Variants in TBC1D2B observed in about 807,000 individuals in gnomAD.
TBC1D2B encodes the protein TBC1 domain family member 2B, also known as TBC1 domain family, member 2B.
TBC1D2B carries 64 observed loss-of-function variants against 100.8 expected under a neutral mutation model. The observed-to-expected ratio is 0.64, with a 90% CI of 0.52 to 0.78. The LOEUF (loss-of-function observed/expected upper bound fraction) is 0.78, where lower values mean the gene tolerates loss of function less well. Among genes scored for constraint, TBC1D2B ranks in the 30% least tolerant of loss-of-function variants. TBC1D2B has a pLI of 0.00. For missense variants in TBC1D2B, 1,052 were observed against 1,218.4 expected (o/e 0.86, Z 2.03); for synonymous variants, 480 against 479.7 (o/e 1.00, Z -0.01).
chr15:78,044,657 T>C (rs1567027622), intron 3 of TBC1D2B, among the ~76,000 whole-genome samples: 1 of 152,232 alleles, frequency 6.6e-6, no homozygotes, highest in Non-Finnish European at 1.5e-5. Context: ...CCATATGACC[T>C]ACTTCACAGA....
chr15:78,009,215 C>A, intron 9 of TBC1D2B, 101 bp from the exon 10 acceptor site: 2 of 754,022 alleles, frequency 2.7e-6, no homozygotes, highest in Non-Finnish European at 2.2e-6. Context: ...TCTCTCATGG[C>A]CAAAATTATT....
At position 78,034,446 on chromosome 15, in the gene TBC1D2B, G is replaced by A. The variant is rs570729103; in HGVS notation, c.684-4276C>T. The A allele has an allele frequency of 2.2e-4, 211 of 970,856 alleles. 3 individuals carry two copies. In the South Asian group the frequency reaches 2.9e-3, roughly 13 times the overall value. 60.1% of individuals were successfully genotyped at this position (970,856 alleles called of 1,614,324 possible). On this transcript the variant is annotated intron_variant, in intron 3 of 12. Transcript: ENST00000300584. Reference sequence around the variant, plus strand: ...CAGGTGGCATGTGACTACCACCACCGTCAATTTTAGGAGTTAAATTCTCCT... The same window carrying A: ...CAGGTGGCATGTGACTACCACCACCATCAATTTTAGGAGTTAAATTCTCCT...
chr15:78,045,133 TA>T (rs2073170134), intron 2 of TBC1D2B, 65 bp from the exon 3 acceptor site: 1 of 1,434,086 alleles, frequency 7.0e-7, no homozygotes, highest in South Asian at 1.3e-5. Flanking sequence ...ACATCCCACA[TA>T]AAACACTGAC....
At chr15:78,038,333 G>A (rs965068323) in intron 3 of TBC1D2B, among the ~76,000 whole-genome samples, 2 of 152,258 alleles carry the variant, frequency 1.3e-5, no homozygotes, top group African/African-American at 4.8e-5. Context: ...ACGGCAGTGA[G>A]GAGTGGGAGG....
chr15:78,072,334 C>G (rs2073753699), intron 1 of TBC1D2B, among the ~76,000 whole-genome samples: 1 of 152,202 alleles, frequency 6.6e-6, no homozygotes, highest in Non-Finnish European at 1.5e-5. Context: ...CAATACTGGA[C>G]TTGCCTTGAA....
rs775515600 is a variant in TBC1D2B at position 77,997,202 on chromosome 15, G to C, written c.*958C>G. ...GAGGCCATGGTTTTCAGCTGTCCAA[G>C]AGCGTTCACGCTGCGGCTGCACCAC... On this transcript the variant is annotated 3_prime_UTR_variant, in exon 13 of 13. Transcript: ENST00000300584. The C allele has an allele frequency of 6.6e-6, 1 of 152,374 alleles. No homozygotes were observed. The highest frequency in any genetic ancestry group is 6.5e-5 in the Admixed American group (1 of 15,288). 9.4% of individuals were successfully genotyped at this position (152,374 alleles called of 1,614,324 possible). A position where few individuals can be genotyped will look rare whatever the true frequency, so the allele number is the denominator to read the frequency against.
intron 9 of TBC1D2B, among the ~76,000 whole-genome samples, chr15:78,011,072 C>T (rs2072209963): frequency 6.6e-6 from 1 of 152,046 alleles, no homozygotes; most frequent in African/African-American, 2.4e-5. Flanking sequence ...TGGCTTTAAG[C>T]AAAACAAAAC....
intron 1 of TBC1D2B, among the ~76,000 whole-genome samples, chr15:78,056,478 C>A (rs758082865): frequency 6.6e-6 from 1 of 152,226 alleles, no homozygotes; most frequent in South Asian, 2.1e-4. Context: ...AGGCCGTGAG[C>A]CCACTTGGGA....
At chr15:78,063,797 TC>T (rs2073598348) in intron 1 of TBC1D2B, among the ~76,000 whole-genome samples, 1 of 152,142 alleles carries the variant, frequency 6.6e-6, no homozygotes, top group African/African-American at 2.4e-5. Flanking sequence ...TCCTAAGGAC[TC>T]CCTTGTCAGT....
At chr15:78,007,236 CT>C (rs1280904693) in intron 10 of TBC1D2B, among the ~76,000 whole-genome samples, 1 of 152,198 alleles carries the variant, frequency 6.6e-6, no homozygotes, top group Non-Finnish European at 1.5e-5. Flanking sequence ...CATCTTTACC[CT>C]GAGGAGCCCC....
chr15:78,077,588 G>GC lies in TBC1D2B; in HGVS notation c.64dup (p.Ala22GlyfsTer122). On this transcript the variant is annotated frameshift_variant, in exon 1 of 13. Transcript: ENST00000300584. LOFTEE classifies it high-confidence loss of function. Reference sequence around the variant, plus strand: ...CGGACCCGCCCCGGGCTCCGCGGCCGCCCCCTGCGCCGCGCCCTCGCCGCC... The same window carrying GC: ...CGGACCCGCCCCGGGCTCCGCGGCCGCCCCCCTGCGCCGCGCCCTCGCCGCC... 2.5e-6 allele frequency: 3 copies of GC among 1,192,050 alleles called. No individual in the cohort carries two copies. Among genetic ancestry groups the GC allele is most frequent in the Non-Finnish European group, 3.1e-6 (3 of 961,588 alleles). The allele number at this position is 1,192,050 out of a possible 1,614,324, so 73.8% of individuals were successfully genotyped here.
intron 5 of TBC1D2B, 30 bp from the exon 6 acceptor site, chr15:78,024,569 G>A: frequency 1.3e-6 from 2 of 1,573,074 alleles, no homozygotes; most frequent in South Asian, 2.3e-5. Context: ...TGGAGTGAAG[G>A]GTGAAAAGAG....
chr15:78,046,571 A>G (rs1302712968), intron 2 of TBC1D2B, among the ~76,000 whole-genome samples: 1 of 151,874 alleles, frequency 6.6e-6, no homozygotes, highest in Non-Finnish European at 1.5e-5. Context: ...GGCTCATGCA[A>G]TCCTCTTGCT....
At chr15:78,005,130 A>T (rs186074003) in intron 10 of TBC1D2B, among the ~76,000 whole-genome samples, 1 of 152,200 alleles carries the variant, frequency 6.6e-6, no homozygotes, top group Admixed American at 6.5e-5. Flanking sequence ...TCTTCTCCCA[A>T]CTAGGAGGCA....
rs903545775 is a variant in TBC1D2B at position 78,077,600 on chromosome 15, G to A, written c.53C>T (p.Ala18Val). The A allele has an allele frequency of 8.1e-6, 9 of 1,117,162 alleles. No individual in the cohort carries two copies. In the Admixed American group the frequency reaches 2.6e-4, roughly 32 times the overall value. The allele number at this position is 1,117,162 out of a possible 1,614,324, so 69.2% of individuals were successfully genotyped here. The part of the protein sequence containing the change: ...AEEGGGGGEG[A>V]AQGAAAEPGA... ...GGGCTCCGCGGCCGCCCCCTGCGCC[G>A]CGCCCTCGCCGCCGCCGCCGCCCTC... Residue 18 changes from alanine (A) to valine (V), a missense_variant, in exon 1 of 13, where the codon GCG becomes GTG. Coordinates refer to ENST00000300584, the MANE Select transcript of TBC1D2B (RefSeq NM_144572.2).
chr15:78,000,602 C>T (rs890117500), intron 12 of TBC1D2B, among the ~76,000 whole-genome samples: 1 of 152,218 alleles, frequency 6.6e-6, no homozygotes, highest in African/African-American at 2.4e-5. Flanking sequence ...AAACCCACTC[C>T]CCAATAAAAG....
intron 1 of TBC1D2B, among the ~76,000 whole-genome samples, chr15:78,072,240 A>T (rs1283394971): frequency 2.0e-5 from 3 of 152,204 alleles, no homozygotes; most frequent in Non-Finnish European, 4.4e-5. Flanking sequence ...GGTTAGCAGG[A>T]AATAGGATGG....
intron 1 of TBC1D2B, among the ~76,000 whole-genome samples, chr15:78,073,984 G>A (rs572073731): frequency 1.3e-5 from 2 of 151,558 alleles, no homozygotes; most frequent in East Asian, 3.9e-4. Context: ...AAAAAAGGGA[G>A]CAGGGTTTTA....
chr15:78,033,287 T>C lies in TBC1D2B; in HGVS notation c.684-3117A>G, dbSNP rs1270514246. Among the ~76,000 whole-genome samples the C allele has an allele frequency of 2.6e-5, 4 of 152,216 alleles. No individual in the cohort carries two copies. The East Asian group carries it at 7.7e-4, about 29-fold the overall frequency. On this transcript the variant is annotated intron_variant, in intron 3 of 12. Coordinates refer to ENST00000300584, the MANE Select transcript of TBC1D2B (RefSeq NM_144572.2). ...TTATACGCACACACATACATACTTATATTCTCTTACTTAATAGACCCATCC... is the reference window on the plus strand; with the variant it reads ...TTATACGCACACACATACATACTTACATTCTCTTACTTAATAGACCCATCC...
Sources: gnomAD v4.1 joint callset for allele counts (sites outside exome capture counted in the v4.1 genomes callset) on GRCh38, gnomAD v4.1.1 for gene constraint, MANE v1.5 for transcripts, NCBI Gene and HGNC (gene_info 2026-07-23, HGNC 2026-07-21) for gene names.